Variants in CDH4 observed in about 807,000 individuals in gnomAD.
The protein encoded by CDH4 is cadherin 4.
A neutral mutation model predicts 86.0 loss-of-function variants in CDH4; 33 were observed. The observed-to-expected ratio is 0.38, with a 90% confidence interval of 0.29 to 0.51. The LOEUF is 0.51. Among genes scored for constraint, CDH4 ranks in the 20% least tolerant of loss-of-function variants. CDH4 has a pLI of 0.86. For synonymous variants in CDH4, 555 were observed against 549.4 expected (o/e 1.01, Z -0.14); for missense variants, 1,114 against 1,307.4 (o/e 0.85, Z 2.28).
intron 2 of CDH4, among the ~76,000 whole-genome samples, chr20:61,508,436 C>T (rs946370456): frequency 5.9e-5 from 9 of 152,176 alleles, no homozygotes; most frequent in East Asian, 1.9e-4. Context: ...CTGTTGCGGT[C>T]GGCCCTGAGC....
intron 4 of CDH4, among the ~76,000 whole-genome samples, chr20:61,835,730 T>C (rs1981841884): frequency 6.6e-6 from 1 of 152,220 alleles, no homozygotes; most frequent in African/African-American, 2.4e-5. Context: ...AGAATCCCTG[T>C]CTTGGGCTCT....
At chr20:61,560,052 A>T (rs1361414085) in intron 2 of CDH4, among the ~76,000 whole-genome samples, 1 of 152,210 alleles carries the variant, frequency 6.6e-6, no homozygotes, top group East Asian at 1.9e-4. Flanking sequence ...CCCAGCAACG[A>T]GTGCATAGAG....
rs2055082888 is a variant in CDH4, at chr20:61,929,601, T to C, written c.2006-8T>C. 1.2e-6 allele frequency: 2 copies of C among 1,608,954 alleles called. No homozygotes were observed. Among genetic ancestry groups the C allele is most frequent in the African/African-American group, 1.3e-5 (1 of 74,976 alleles). ...TCTGGTTGAATGTTTACTGTTGCTT[T>C]GCACCAGGTGACTATGCCCAACTCA... On this transcript the variant is annotated splice_region_variant and splice_polypyrimidine_tract_variant and intron_variant, in intron 12 of 15. Transcript: ENST00000614565.
At chr20:61,348,575 G>C (rs750551211) in intron 2 of CDH4, among the ~76,000 whole-genome samples, 4 of 151,816 alleles carry the variant, frequency 2.6e-5, no homozygotes, top group Admixed American at 6.6e-5. Context: ...CTTCACTTCT[G>C]TTCTCTTTAA....
At chr20:61,422,123 C>A (rs1274339614) in intron 2 of CDH4, among the ~76,000 whole-genome samples, 1 of 152,186 alleles carries the variant, frequency 6.6e-6, no homozygotes, top group Non-Finnish European at 1.5e-5. Flanking sequence ...CATTCCACTG[C>A]ATTGTCATTA....
intron 3 of CDH4, among the ~76,000 whole-genome samples, chr20:61,766,083 G>A (rs1568803561): frequency 6.6e-6 from 1 of 151,984 alleles, no homozygotes. Flanking sequence ...CCAGGAAGGA[G>A]CCTGGGCCCA....
chr20:61,772,893 G>C, intron 3 of CDH4, 110 bp from the exon 4 acceptor site: 1 of 867,286 alleles, frequency 1.2e-6, no homozygotes, highest in Non-Finnish European at 1.6e-6. Context: ...AGCGTTACCC[G>C]CCTTCCCTCT....
At chr20:61,694,912 C>T (rs925701940) in intron 2 of CDH4, among the ~76,000 whole-genome samples, 2 of 152,198 alleles carry the variant, frequency 1.3e-5, no homozygotes, top group Non-Finnish European at 2.9e-5. Context: ...TCCCGTGCGC[C>T]GCCGGAGAGC....
chr20:61,591,529 G>A (rs1301949195), intron 2 of CDH4, among the ~76,000 whole-genome samples: 1 of 152,178 alleles, frequency 6.6e-6, no homozygotes, highest in East Asian at 1.9e-4. Flanking sequence ...CCTCACTCAG[G>A]TGTGTAGATG....
chr20:61,457,366 A>G (rs537105268), intron 2 of CDH4, among the ~76,000 whole-genome samples: 1 of 152,216 alleles, frequency 6.6e-6, no homozygotes, highest in East Asian at 1.9e-4. Flanking sequence ...AGACACTAGG[A>G]TAGAGAGAGC....
At chr20:61,679,456 G>A (rs1473627642) in intron 2 of CDH4, among the ~76,000 whole-genome samples, 1 of 152,144 alleles carries the variant, frequency 6.6e-6, no homozygotes, top group South Asian at 2.1e-4. Context: ...AGCACCCCAC[G>A]TTGAGGACCA....
At chr20:61,541,084 C>G (rs189274994) in intron 2 of CDH4, among the ~76,000 whole-genome samples, 1 of 152,184 alleles carries the variant, frequency 6.6e-6, no homozygotes, top group East Asian at 1.9e-4. Flanking sequence ...CCCGTGTGCT[C>G]GGAGACTTCC....
chr20:61,277,686 G>A (rs541664903), intron 2 of CDH4, among the ~76,000 whole-genome samples: 5 of 152,366 alleles, frequency 3.3e-5, no homozygotes, highest in Admixed American at 6.5e-5. Context: ...TTATTAAGCC[G>A]TTATCAAAGT....
At chr20:61,827,110 C>T (rs977460278) in intron 4 of CDH4, among the ~76,000 whole-genome samples, 3 of 151,706 alleles carry the variant, frequency 2.0e-5, no homozygotes, top group African/African-American at 7.3e-5. Context: ...AGAAGCTGAA[C>T]GTCTCAGAAT....
At chr20:61,785,668 G>A (rs1978843554) in intron 4 of CDH4, among the ~76,000 whole-genome samples, 1 of 152,146 alleles carries the variant, frequency 6.6e-6, no homozygotes, top group Admixed American at 6.6e-5. Context: ...CCCCCACCCA[G>A]GTGTGCAGGG....
At chr20:61,564,525 ACT>A (rs1330077048) in intron 2 of CDH4, among the ~76,000 whole-genome samples, 8 of 151,434 alleles carry the variant, frequency 5.3e-5, no homozygotes, top group African/African-American at 1.9e-4. Context: ...TCGTGCTCTC[ACT>A]CTCACCATGT....
chr20:61,466,843 G>A (rs2427121), intron 2 of CDH4, among the ~76,000 whole-genome samples: 50,167 of 142,466 alleles, frequency 0.35, 10,150 homozygotes, highest in Admixed American at 0.51. Flanking sequence ...AAAGTGAGAC[G>A]CTGCCTCAAA....
In CDH4 at chr20:61,815,902, G is replaced by A. The variant is rs199684973; in HGVS notation, c.577-28766G>A. Reference sequence around the variant, plus strand: ...GGTTATCCTGGCTGCTCCGTGAGCCGCAATGCCCGCGTTCATTTGTTAAAG... The same window carrying A: ...GGTTATCCTGGCTGCTCCGTGAGCCACAATGCCCGCGTTCATTTGTTAAAG... On this transcript the variant is annotated intron_variant, in intron 4 of 15. Transcript: ENST00000614565. Among the ~76,000 whole-genome samples, 23 of 152,290 alleles carry A rather than the reference G, an allele frequency of 1.5e-4. No homozygotes were observed. In the East Asian group the frequency reaches 3.3e-3, roughly 22 times the overall value.
chr20:61,721,820 T>C (rs1230487238), intron 2 of CDH4, among the ~76,000 whole-genome samples: 1 of 151,870 alleles, frequency 6.6e-6, no homozygotes, highest in Non-Finnish European at 1.5e-5. Flanking sequence ...ATCATCAGAG[T>C]GGATATTGGA....
Sources: allele counts gnomAD v4.1 joint callset (sites outside exome capture counted in the v4.1 genomes callset), GRCh38; gene constraint gnomAD v4.1.1; transcripts MANE v1.5; gene names NCBI Gene and HGNC (gene_info 2026-07-23, HGNC 2026-07-21).